The following LRP1B variants were observed in gnomAD, a reference collection of about 807,000 sequenced individuals.
LRP1B encodes low-density lipoprotein receptor-related protein 1B.
Under a neutral mutation model 556.6 loss-of-function variants are expected in LRP1B, and 217 were observed. The observed-to-expected ratio is 0.39, with a 90% confidence interval of 0.35 to 0.44. The LOEUF is 0.44. Ranked by LOEUF, LRP1B falls within the 20% of genes least tolerant of loss-of-function variation. The pLI is 1.00. For missense variants in LRP1B, 5,053 were observed against 5,620.8 expected (o/e 0.90, Z 3.23); for synonymous variants, 2,047 against 1,865.8 (o/e 1.10, Z -2.50).
chr2:141,382,487 C>G (rs183963286), intron 3 of LRP1B, among the ~76,000 whole-genome samples: 1 of 152,290 alleles, frequency 6.6e-6, no homozygotes, highest in African/African-American at 2.4e-5. Context: ...CAGCAGATCC[C>G]AAAGGGTCCC....
At chr2:140,471,162 C>G (rs1330520704) in intron 60 of LRP1B, among the ~76,000 whole-genome samples, 1 of 152,106 alleles carries the variant, frequency 6.6e-6, no homozygotes, top group Admixed American at 6.5e-5. Context: ...CTCAAATTGC[C>G]AAGTCTCTCA....
intron 2 of LRP1B, among the ~76,000 whole-genome samples, chr2:141,788,904 T>A (rs1249386904): frequency 2.6e-5 from 4 of 152,128 alleles, no homozygotes; most frequent in Non-Finnish European, 5.9e-5. Flanking sequence ...TTCCATGGTG[T>A]ATATGTGCCA....
intron 1 of LRP1B, among the ~76,000 whole-genome samples, chr2:141,832,592 G>T (rs1004041503): frequency 5.3e-5 from 8 of 151,696 alleles, no homozygotes; most frequent in Admixed American, 3.9e-4. Flanking sequence ...GTGGCCACCA[G>T]CTTCCTAAGC....
intron 41 of LRP1B, among the ~76,000 whole-genome samples, chr2:140,611,311 A>G (rs1683064111): frequency 6.6e-6 from 1 of 152,138 alleles, no homozygotes; most frequent in African/African-American, 2.4e-5. Context: ...TTTTAGTATA[A>G]CTTGTAGGAT....
chr2:140,978,786 T>A (rs1696680313), intron 18 of LRP1B, among the ~76,000 whole-genome samples: 1 of 152,152 alleles, frequency 6.6e-6, no homozygotes, highest in Non-Finnish European at 1.5e-5. Flanking sequence ...GAGAGAAACA[T>A]GTCTGAGGTA....
chr2:140,703,595 A>C (rs928749933), intron 37 of LRP1B, among the ~76,000 whole-genome samples: 3 of 152,122 alleles, frequency 2.0e-5, no homozygotes, highest in African/African-American at 7.2e-5. Context: ...AATTTTTAAA[A>C]ATTATTGTAT....
intron 2 of LRP1B, among the ~76,000 whole-genome samples, chr2:141,699,551 T>C (rs1691860435): frequency 6.6e-6 from 1 of 151,648 alleles, no homozygotes; most frequent in African/African-American, 2.4e-5. Flanking sequence ...TTACCCTCAA[T>C]ACAAAGTGTT....
intron 2 of LRP1B, among the ~76,000 whole-genome samples, chr2:141,651,608 T>A (rs1479962825): frequency 6.6e-6 from 1 of 152,174 alleles, no homozygotes; most frequent in Non-Finnish European, 1.5e-5. Flanking sequence ...GAGGTTGCAG[T>A]GAGCAGAGAT....
chr2:140,756,153 A>T (rs1313073248), intron 35 of LRP1B, among the ~76,000 whole-genome samples: 1 of 151,838 alleles, frequency 6.6e-6, no homozygotes, highest in African/African-American at 2.4e-5. Context: ...TACTCTGAAA[A>T]CTGAAAATCA....
At chr2:140,555,030 C>A (rs1680680645) in intron 43 of LRP1B, among the ~76,000 whole-genome samples, 1 of 151,900 alleles carries the variant, frequency 6.6e-6, no homozygotes, top group South Asian at 2.1e-4. Context: ...CAAACTCATA[C>A]CTTTGATAAA....
chr2:140,749,213 G>C (rs930202119), intron 35 of LRP1B, among the ~76,000 whole-genome samples: 1 of 152,106 alleles, frequency 6.6e-6, no homozygotes, highest in African/African-American at 2.4e-5. Flanking sequence ...CAGTGAATGA[G>C]TGTTGAGTAA....
chr2:141,257,554 G>A (rs1486811018), intron 3 of LRP1B, among the ~76,000 whole-genome samples: 1 of 152,144 alleles, frequency 6.6e-6, no homozygotes, highest in Non-Finnish European at 1.5e-5. Flanking sequence ...CAAAATGCGG[G>A]AAAAATTAAT....
At chr2:140,660,912 A>G (rs114373077) in intron 41 of LRP1B, among the ~76,000 whole-genome samples, 1,695 of 151,616 alleles carry the variant, frequency 0.011, 31 homozygotes, top group African/African-American at 0.039. Flanking sequence ...TGCATTTAGA[A>G]AAGACAAGCA....
intron 2 of LRP1B, among the ~76,000 whole-genome samples, chr2:141,616,019 C>T (rs187777060): frequency 0.01 from 1,570 of 152,246 alleles, 21 homozygotes; most frequent in Non-Finnish European, 0.016. Flanking sequence ...CATGGTGGCT[C>T]ACGCCTGTAA....
intron 32 of LRP1B, among the ~76,000 whole-genome samples, chr2:140,801,582 A>T (rs921421164): frequency 2.7e-5 from 4 of 147,078 alleles, no homozygotes; most frequent in East Asian, 2.0e-4. Flanking sequence ...AATCTTACTA[A>T]TTTTTTTTTT....
At position 140,673,920 on chromosome 2, in the gene LRP1B, C is replaced by T. The variant is rs1026200406; in HGVS notation, c.6799+26330G>A. Among the ~76,000 whole-genome samples the T allele has an allele frequency of 5.9e-5, 9 of 151,424 alleles. 1 individual carries two copies. Among genetic ancestry groups the T allele is most frequent in the Middle Eastern group, 6.4e-3 (2 of 314 alleles). The stretch of plus-strand genomic sequence containing the variant: ...CTCCAACCCGCAACATATTTTACCC[C>T]GAAATATATCTCTTTTCTTTTTTCT... On this transcript the variant is annotated intron_variant, in intron 41 of 90. Coordinates refer to ENST00000389484, the MANE Select transcript of LRP1B (RefSeq NM_018557.3).
At chr2:141,371,663 G>T (rs1016514408) in intron 3 of LRP1B, among the ~76,000 whole-genome samples, 3 of 151,674 alleles carry the variant, frequency 2.0e-5, no homozygotes, top group African/African-American at 7.3e-5. Context: ...TTGGTCCTTG[G>T]CTAGATCATT....
In LRP1B at chr2:140,880,533, C is replaced by T. The variant is rs189344751; in HGVS notation, c.4169+3284G>A. Among the ~76,000 whole-genome samples, 283 of 152,080 alleles carry T rather than the reference C, an allele frequency of 1.9e-3. 1 individual carries two copies. The highest frequency in any genetic ancestry group is 3.2e-3 in the Non-Finnish European group (215 of 67,960). ...GCATGATGACAGATATGTTTTATAA[C>T]CCAAAGTGAATGTTGGTGGATTTTA... On this transcript the variant is annotated intron_variant, in intron 25 of 90. Coordinates refer to ENST00000389484, the MANE Select transcript of LRP1B (RefSeq NM_018557.3).
In LRP1B at chr2:140,445,730, T is replaced by C. The variant is rs139043113; in HGVS notation, c.10058-1051A>G. Among the ~76,000 whole-genome samples, 477 of 152,260 alleles carry C rather than the reference T, an allele frequency of 3.1e-3. 2 individuals carry two copies. The highest frequency in any genetic ancestry group is 0.011 in the African/African-American group (452 of 41,558). ...TCACCATAACATTCTCATTTTGGCA[T>C]TACCATTTTAGCAAGAGTAAACTAA... On this transcript the variant is annotated intron_variant, in intron 63 of 90. Coordinates refer to ENST00000389484, the MANE Select transcript of LRP1B (RefSeq NM_018557.3).
Sources: gnomAD v4.1 joint callset for allele counts (sites outside exome capture counted in the v4.1 genomes callset) on GRCh38, gnomAD v4.1.1 for gene constraint, MANE v1.5 for transcripts, NCBI Gene and HGNC (gene_info 2026-07-23, HGNC 2026-07-21) for gene names.